Variants in RALGPS1 observed in about 807,000 individuals in gnomAD.
RALGPS1 encodes the protein ras-specific guanine nucleotide-releasing factor RalGPS1.
A neutral mutation model predicts 78.8 loss-of-function variants in RALGPS1; 19 were observed. The observed-to-expected ratio is 0.24, with a 90% CI of 0.17 to 0.35. The LOEUF (loss-of-function observed/expected upper bound fraction) is 0.35, where lower values mean the gene tolerates loss of function less well. RALGPS1 is among the 10% of genes least tolerant of loss of function. The pLI, the probability that RALGPS1 is intolerant of heterozygous loss-of-function variation, is 1.00. For missense variants in RALGPS1, 454 were observed against 688.3 expected (o/e 0.66, Z 3.81); for synonymous variants, 228 against 256.3 (o/e 0.89, Z 1.06).
intron 8 of RALGPS1, chr9:127,108,881 CA>C: frequency 8.2e-6 from 7 of 848,684 alleles, no homozygotes; most frequent in Non-Finnish European, 1.2e-5. Flanking sequence ...CAGAGCTTTC[CA>C]AAAACTCTGC....
At chr9:127,126,515 C>T (rs1436577343) in intron 8 of RALGPS1, among the ~76,000 whole-genome samples, 1 of 152,218 alleles carries the variant, frequency 6.6e-6, no homozygotes, top group East Asian at 1.9e-4. Context: ...CACACTTGTT[C>T]TTCCACAGGT....
intron 5 of RALGPS1, among the ~76,000 whole-genome samples, chr9:127,038,308 A>T (rs2047024179): frequency 6.6e-6 from 1 of 152,262 alleles, no homozygotes; most frequent in Admixed American, 6.5e-5. Context: ...TAGATATTTT[A>T]CACTCATTTC....
intron 5 of RALGPS1, among the ~76,000 whole-genome samples, chr9:127,049,380 C>G (rs182271720): frequency 6.6e-6 from 1 of 152,252 alleles, no homozygotes; most frequent in East Asian, 1.9e-4. Context: ...AGAGGTCAAG[C>G]ATGAATGGGC....
At chr9:127,043,194 T>C (rs1265654108) in intron 5 of RALGPS1, among the ~76,000 whole-genome samples, 1 of 152,164 alleles carries the variant, frequency 6.6e-6, no homozygotes, top group Non-Finnish European at 1.5e-5. Context: ...ATTGGAAGAC[T>C]CACTCTACCT....
chr9:127,150,572 G>GTA, intron 8 of RALGPS1, among the ~76,000 whole-genome samples: 1 of 152,350 alleles, frequency 6.6e-6, no homozygotes, highest in Non-Finnish European at 1.5e-5. Context: ...TCATGGCCAA[G>GTA]TATAAGCTCC....
chr9:126,930,611 T>TA (rs895036258), intron 1 of RALGPS1, among the ~76,000 whole-genome samples: 1 of 152,010 alleles, frequency 6.6e-6, no homozygotes, highest in Non-Finnish European at 1.5e-5. Flanking sequence ...CCCAGCTAAT[T>TA]AAAAAAATAT....
Position 127,091,835 on chromosome 9 carries a change from A to G in RALGPS1, c.610+22479A>G. On this transcript the variant is annotated intron_variant, in intron 8 of 18. Coordinates refer to ENST00000259351, the MANE Select transcript of RALGPS1 (RefSeq NM_014636.3). This position sits in a 1 kb window ranked among gnomAD's most constrained non-coding sequence, Gnocchi z 4.3. ...TATTCTGCAAAGACTTTGCGGCCGG[A>G]CCAGTCCTCCATGGTCACCAGGAGT... 1 of 1,614,148 alleles carries G rather than the reference A, an allele frequency of 6.2e-7. No homozygotes were observed. Among genetic ancestry groups the G allele is most frequent in the Non-Finnish European group, 8.5e-7 (1 of 1,180,028 alleles).
At chr9:126,989,839 G>A (rs1176483472) in intron 4 of RALGPS1, 3 of 1,543,322 alleles carry the variant, frequency 1.9e-6, no homozygotes, top group East Asian at 2.5e-5. Flanking sequence ...GCTGGAGCTC[G>A]AGACCTTGAG....
At chr9:127,133,793 G>A (rs936260985) in intron 8 of RALGPS1, among the ~76,000 whole-genome samples, 2 of 152,066 alleles carry the variant, frequency 1.3e-5, no homozygotes, top group African/African-American at 4.8e-5. Context: ...CTTGCTGGAA[G>A]GGGCAAATCC....
chr9:127,032,018 G>A (rs573311647), intron 4 of RALGPS1, among the ~76,000 whole-genome samples: 3 of 152,332 alleles, frequency 2.0e-5, no homozygotes, highest in East Asian at 1.9e-4. Context: ...AAAAGAAGAC[G>A]TTTGGCGTTC....
intron 1 of RALGPS1, among the ~76,000 whole-genome samples, chr9:126,935,788 A>G (rs2036201371): frequency 6.6e-6 from 1 of 152,206 alleles, no homozygotes; most frequent in Non-Finnish European, 1.5e-5. Context: ...ATTTCTCTGA[A>G]GTCACACAGC....
chr9:126,942,889 T>A (rs565442917), intron 1 of RALGPS1, among the ~76,000 whole-genome samples: 30 of 152,314 alleles, frequency 2.0e-4, no homozygotes, highest in Admixed American at 6.5e-4. Flanking sequence ...TTTCTTTAAA[T>A]GATTTTTGTA....
At chr9:126,972,291 G>A (rs2040193752) in intron 3 of RALGPS1, among the ~76,000 whole-genome samples, 1 of 152,150 alleles carries the variant, frequency 6.6e-6, no homozygotes, top group South Asian at 2.1e-4. Flanking sequence ...ATGATAATGG[G>A]GCAGTTTATA....
chr9:126,929,512 C>T (rs1007407854), intron 1 of RALGPS1, among the ~76,000 whole-genome samples: 6 of 149,256 alleles, frequency 4.0e-5, no homozygotes, highest in Non-Finnish European at 6.0e-5. Flanking sequence ...AGTGCAGTGG[C>T]GTGATCTTAG....
intron 8 of RALGPS1, among the ~76,000 whole-genome samples, chr9:127,113,478 T>TTGTA (rs1164195956): frequency 6.6e-6 from 1 of 151,766 alleles, no homozygotes; most frequent in East Asian, 1.9e-4. Context: ...ATTCAACTCA[T>TTGTA]TGTATCTCAA....
At chr9:127,165,626 G>A (rs889572935) in intron 8 of RALGPS1, among the ~76,000 whole-genome samples, 7 of 152,278 alleles carry the variant, frequency 4.6e-5, no homozygotes, top group African/African-American at 1.7e-4. Context: ...GTGAGGTAGG[G>A]GTAGGGGAAC....
intron 14 of RALGPS1, among the ~76,000 whole-genome samples, chr9:127,202,658 C>G (rs576335618): frequency 1.3e-5 from 2 of 152,110 alleles, no homozygotes; most frequent in African/African-American, 2.4e-5. Context: ...CACTTCTGAG[C>G]CCCCAGGCTG....
Position 127,168,732 on chromosome 9 carries a change from A to G in RALGPS1, c.802A>G (p.Ile268Val). The G allele has an allele frequency of 6.2e-7, 1 of 1,613,844 alleles. No individual in the cohort carries two copies. Among genetic ancestry groups the G allele is most frequent in the Non-Finnish European group, 8.5e-7 (1 of 1,179,696 alleles). ...VQKYLKSVRY[I>V]EELQKFVEDD... ...GAAGTACCTGAAGTCCGTACGCTAC[A>G]TTGAAGAGCTCCAGAAGTTTGTGGA... Residue 268 changes from isoleucine to valine, a missense_variant, in exon 10 of 19, where the codon ATT (isoleucine) becomes GTT (valine). Transcript: ENST00000259351.
chr9:127,199,642 T>A (rs2061524456), intron 14 of RALGPS1, among the ~76,000 whole-genome samples: 1 of 144,890 alleles, frequency 6.9e-6, no homozygotes, highest in East Asian at 2.1e-4. Flanking sequence ...AGAGCCTGTC[T>A]GCCAGGGCCC....
Sources: gnomAD v4.1 joint callset for allele counts (sites outside exome capture counted in the v4.1 genomes callset) on GRCh38, gnomAD v4.1.1 for gene constraint, Gnocchi (gnomAD v3.1) non-coding constraint, MANE v1.5 for transcripts, NCBI Gene and HGNC (gene_info 2026-07-23, HGNC 2026-07-21) for gene names.